COL18A1: variants seen among roughly 807,000 people sequenced by gnomAD.
COL18A1 encodes collagen type XVIII alpha 1 chain, also known as collagen alpha-1(XVIII) chain.
COL18A1 carries 133 observed loss-of-function variants against 168.0 expected under a neutral mutation model. That is an observed-to-expected ratio of 0.79 (90% CI 0.69 to 0.91). The LOEUF is 0.91. Among genes scored for constraint, COL18A1 ranks in the 40% least tolerant of loss-of-function variants. The pLI, the probability that COL18A1 is intolerant of heterozygous loss-of-function variation, is 0.00. For synonymous variants in COL18A1, 949 were observed against 809.0 expected (o/e 1.17, Z -2.94); for missense variants, 2,126 against 1,925.4 (o/e 1.10, Z -1.95).
chr21:45,459,092 G>C (rs993791253), intron 2 of COL18A1, among the ~76,000 whole-genome samples: 5 of 152,216 alleles, frequency 3.3e-5, no homozygotes, highest in African/African-American at 1.2e-4. Flanking sequence ...CAGCGTTCCT[G>C]GCCTGCATTG....
At chr21:45,488,395 CTG>C (rs1300338563) in intron 17 of COL18A1, 21 bp from the exon 18 acceptor site, 21 of 1,613,664 alleles carry the variant, frequency 1.3e-5, no homozygotes, top group Admixed American at 3.3e-5. Context: ...TGCACTAACA[CTG>C]TGTCTCCTCT....
chr21:45,447,166 A>G (rs2034520329), intron 2 of COL18A1, among the ~76,000 whole-genome samples: 1 of 151,884 alleles, frequency 6.6e-6, no homozygotes, highest in Non-Finnish European at 1.5e-5. Flanking sequence ...GAAAGGAACA[A>G]GTAAAACTGT....
At chr21:45,447,140 A>G (rs538200852) in intron 2 of COL18A1, among the ~76,000 whole-genome samples, 2 of 152,114 alleles carry the variant, frequency 1.3e-5, no homozygotes, top group Non-Finnish European at 2.9e-5. Flanking sequence ...AGAAGAAATA[A>G]AAGACATCCA....
intron 29 of COL18A1, 33 bp from the exon 30 acceptor site, chr21:45,496,467 C>T (rs772741901): frequency 1.0e-6 from 1 of 976,600 alleles, no homozygotes; most frequent in South Asian, 1.3e-5. Context: ...ACAGGCAGGC[C>T]ATAAGCCTAA....
chr21:45,443,139 G>C lies in COL18A1; in HGVS notation c.107-25103G>C, dbSNP rs182703762. ...GGGCGGCGGTGCTGGTGTGGGCGGCGGTGCTGGTGTGGGCGGCGGTGCTGG... is the reference window on the plus strand; with the variant it reads ...GGGCGGCGGTGCTGGTGTGGGCGGCCGTGCTGGTGTGGGCGGCGGTGCTGG... On this transcript the variant is annotated intron_variant, in intron 2 of 41. Transcript: ENST00000651438. This position sits in a 1 kb window ranked among gnomAD's most constrained non-coding sequence, Gnocchi z 5.2. 0.017 allele frequency among the ~76,000 whole-genome samples: 1,928 copies of C among 113,720 alleles called. 75 individuals carry two copies. Among genetic ancestry groups the C allele is most frequent in the African/African-American group, 0.06 (1,833 of 30,714 alleles). 74.6% of individuals were successfully genotyped at this position (113,720 alleles called of 152,430 possible). A position where few individuals can be genotyped will look rare whatever the true frequency, so the allele number is the denominator to read the frequency against.
intron 2 of COL18A1, among the ~76,000 whole-genome samples, chr21:45,441,308 A>G (rs1254100049): frequency 6.6e-6 from 1 of 152,104 alleles, no homozygotes; most frequent in African/African-American, 2.4e-5. Flanking sequence ...TTGGTTCTGT[A>G]CTGGGAGAGG....
At chr21:45,427,754 T>C (rs2033847974) in intron 2 of COL18A1, among the ~76,000 whole-genome samples, 1 of 152,164 alleles carries the variant, frequency 6.6e-6, no homozygotes, top group Admixed American at 6.5e-5. Flanking sequence ...TTCATGCTGG[T>C]CGCCATCACG....
At chr21:45,442,981 G>T (rs1377316890) in intron 2 of COL18A1, among the ~76,000 whole-genome samples, 1 of 143,712 alleles carries the variant, frequency 7.0e-6, no homozygotes, top group Non-Finnish European at 1.5e-5. Flanking sequence ...GCTGGTGTGG[G>T]TGGCGGTGCT....
rs749001958 is a variant in COL18A1 at position 45,455,751 on chromosome 21, C to A, written c.107-12491C>A. ...CCCCGGAATGGTTCCACAGAGCCAG[C>A]GACAGCCCCTGGCAGCCCTGAGCCA... is the stretch of plus-strand genomic sequence containing the variant. On this transcript the variant is annotated intron_variant, in intron 2 of 41. Coordinates refer to ENST00000651438, the MANE Select transcript of COL18A1 (RefSeq NM_001379500.1). 2 of 1,613,766 alleles carry A rather than the reference C, an allele frequency of 1.2e-6. No homozygotes were observed. The highest frequency in any genetic ancestry group is 1.7e-6 in the Non-Finnish European group (2 of 1,179,988).
At position 45,507,313 on chromosome 21, in the gene COL18A1, C is replaced by T. The variant is rs1435529774; in HGVS notation, c.3217-248C>T. The T allele has an allele frequency of 1.4e-5, 8 of 589,292 alleles. 1 individual carries two copies. The Middle Eastern group carries it at 1.8e-3, about 131-fold the overall frequency. 36.5% of individuals were successfully genotyped at this position (589,292 alleles called of 1,614,324 possible). A position where few individuals can be genotyped will look rare whatever the true frequency, so the allele number is the denominator to read the frequency against. ...CCGGGTGCTGGGCAGGGAGGGCACC[C>T]TCCTGTGGGCTGGCAGGGCCGGGTG... On this transcript the variant is annotated intron_variant, in intron 37 of 41. Transcript: ENST00000651438.
chr21:45,481,725 C>T (rs1018063277), intron 13 of COL18A1, among the ~76,000 whole-genome samples: 11 of 152,350 alleles, frequency 7.2e-5, no homozygotes, highest in Middle Eastern at 3.4e-3. Context: ...GGTGTGCAAG[C>T]ATCTTCCCGC....
At position 45,495,414 on chromosome 21, in the gene COL18A1, C is replaced by T. The variant is rs377601838; in HGVS notation, c.2490C>T (p.Ser830=). Residue 830 remains serine (S), a synonymous_variant, in exon 29 of 42, where the codon AGC becomes AGT. Coordinates refer to ENST00000651438, the MANE Select transcript of COL18A1 (RefSeq NM_001379500.1). ...AGAAAGGGGAGCCGGGAGATGCCAG[C>T]CTTGGATTTGGCATGAGGGTGAGTG... The part of the protein sequence containing the change: ...KGEKGEPGDA[S]LGFGMRGMPG... The T allele has an allele frequency of 1.4e-4, 223 of 1,610,954 alleles. No homozygotes were observed. The African/African-American group carries it at 2.5e-3, about 18-fold the overall frequency.
chr21:45,491,671 C>T (rs1009854702), intron 22 of COL18A1, among the ~76,000 whole-genome samples: 8 of 152,214 alleles, frequency 5.3e-5, no homozygotes, highest in Non-Finnish European at 1.0e-4. Flanking sequence ...GCACCCTTGG[C>T]CCCTCTGGTG....
Position 45,509,614 on chromosome 21 carries a change from C to T in COL18A1, c.3495+13C>T, listed in dbSNP as rs562422995. 2 of 1,400,850 alleles carry T rather than the reference C, an allele frequency of 1.4e-6. No homozygotes were observed. Among genetic ancestry groups the T allele is most frequent in the Admixed American group, 2.0e-5 (1 of 51,066 alleles). 86.8% of individuals were successfully genotyped at this position (1,400,850 alleles called of 1,614,324 possible). ...CTTCCAGCCGGTGGTGAGTGCCCCCCCAAAGTGGGCTTGGCTCCATCTAGC... is the reference window on the plus strand; with the variant it reads ...CTTCCAGCCGGTGGTGAGTGCCCCCTCAAAGTGGGCTTGGCTCCATCTAGC... On this transcript the variant is annotated intron_variant, in intron 39 of 41. Coordinates refer to ENST00000651438, the MANE Select transcript of COL18A1 (RefSeq NM_001379500.1).
At position 45,468,760 on chromosome 21, in the gene COL18A1, G is replaced by C; in HGVS notation, c.625G>C (p.Gly209Arg). Residue 209 changes from glycine (G) to arginine (R), a missense_variant, in exon 3 of 42, where the codon GGG (glycine) becomes CGG (arginine). Gly to Arg is a moderately radical substitution (Grantham distance 125, BLOSUM62 -2). Transcript: ENST00000651438. The stretch of plus-strand genomic sequence containing the variant: ...CGCCGGGCTCTTCGTGGCTCAGGCG[G>C]GGGGAGCGGACCCTGACAAGTTCCA... ...PGAGLFVAQA[G>R]GADPDKFQGV... is the part of the protein sequence containing the mutation. 6.2e-7 allele frequency: 1 copy of C among 1,604,278 alleles called. No homozygotes were observed. The highest frequency in any genetic ancestry group is 8.5e-7 in the Non-Finnish European group (1 of 1,179,372).
intron 2 of COL18A1, among the ~76,000 whole-genome samples, chr21:45,452,668 ATG>A (rs948550036): frequency 9.3e-5 from 14 of 150,082 alleles, no homozygotes; most frequent in East Asian, 2.0e-4. Context: ...GCATGTATTC[ATG>A]TGTGACATGT....
rs1191505094 is a variant in COL18A1 at position 45,498,593 on chromosome 21, G to A, written c.2683+932G>A. ...ACCAGGCAGGCAGAGGCCGAGTCTGGGCCGGGACATCCTTAAGGCCTGTGG... is the reference window on the plus strand; with the variant it reads ...ACCAGGCAGGCAGAGGCCGAGTCTGAGCCGGGACATCCTTAAGGCCTGTGG... On this transcript the variant is annotated intron_variant, in intron 32 of 41. Coordinates refer to ENST00000651438, the MANE Select transcript of COL18A1 (RefSeq NM_001379500.1). This position sits in a 1 kb window ranked among gnomAD's most constrained non-coding sequence, Gnocchi z 4.5. The A allele has an allele frequency of 5.6e-6, 4 of 715,908 alleles. No homozygotes were observed. The highest frequency in any genetic ancestry group is 7.8e-6 in the Non-Finnish European group (3 of 384,100). The allele number at this position is 715,908 out of a possible 1,614,324, so 44.3% of individuals were successfully genotyped here. A position where few individuals can be genotyped will look rare whatever the true frequency, so the allele number is the denominator to read the frequency against.
chr21:45,411,768 G>GC lies in COL18A1; in HGVS notation c.106+6295_106+6296insC, dbSNP rs1569273604. ...GAGTCAGGGCTGATGGCGGGGGGTGGGGGGGGGGCAGGCTGTGGTCAGGGA... is the reference window on the plus strand; with the variant it reads ...GAGTCAGGGCTGATGGCGGGGGGTGGCGGGGGGGGCAGGCTGTGGTCAGGGA... On this transcript the variant is annotated intron_variant, in intron 2 of 41. Coordinates refer to ENST00000651438, the MANE Select transcript of COL18A1 (RefSeq NM_001379500.1). Among the ~76,000 whole-genome samples the GC allele has an allele frequency of 5.6e-5, 6 of 106,688 alleles. No homozygotes were observed. The South Asian group carries it at 1.0e-3, about 19-fold the overall frequency. The allele number at this position is 106,688 out of a possible 152,430, so 70.0% of individuals were successfully genotyped here. A position where few individuals can be genotyped will look rare whatever the true frequency, so the allele number is the denominator to read the frequency against.
chr21:45,504,228 TCA>T, intron 33 of COL18A1, 174 bp downstream of exon 33: 2 of 925,266 alleles, frequency 2.2e-6, no homozygotes, highest in South Asian at 2.9e-5. Context: ...TGTCCCCGGC[TCA>T]GTTTTTGGGG....
Sources: allele counts gnomAD v4.1 joint callset (sites outside exome capture counted in the v4.1 genomes callset), GRCh38; gene constraint gnomAD v4.1.1; non-coding constraint Gnocchi (gnomAD v3.1); transcripts MANE v1.5; gene names NCBI Gene and HGNC (gene_info 2026-07-23, HGNC 2026-07-21).